Variants in CACNA1C observed in about 807,000 individuals in gnomAD.
CACNA1C encodes voltage-dependent L-type calcium channel subunit alpha-1C.
A neutral mutation model predicts 229.0 loss-of-function variants in CACNA1C; 30 were observed. The observed-to-expected ratio is 0.13, with a 90% CI of 0.10 to 0.18. The LOEUF is 0.18. CACNA1C is among the 10% of genes least tolerant of loss of function. The probability of loss-of-function intolerance (pLI) is 1.00; values close to 1 mark genes in which losing one functional copy is unlikely to be tolerated. For missense variants in CACNA1C, 1,658 were observed against 2,845.0 expected, an observed-to-expected ratio of 0.58 and a Z score of 9.49; for synonymous variants, 1,114 against 1,132.5, an observed-to-expected ratio of 0.98 and a Z score of 0.33.
At chr12:2,255,737 T>C (rs2077238306) in intron 3 of CACNA1C, among the ~76,000 whole-genome samples, 1 of 151,392 alleles carries the variant, frequency 6.6e-6, no homozygotes, top group South Asian at 2.1e-4. Flanking sequence ...AGCTTTATTG[T>C]GAGTTAAGCA....
At chr12:2,307,586 T>G (rs746998927) in intron 3 of CACNA1C, among the ~76,000 whole-genome samples, 1 of 152,230 alleles carries the variant, frequency 6.6e-6, no homozygotes, top group Non-Finnish European at 1.5e-5. Context: ...CAGGGCACTT[T>G]GTAAAAATTA....
rs549633485 is a variant in CACNA1C at position 2,271,642 on chromosome 12, G to T, written c.477+151212G>T. Among the ~76,000 whole-genome samples, 9 of 152,258 alleles carry T rather than the reference G, an allele frequency of 5.9e-5. No individual in the cohort carries two copies. The East Asian group carries it at 1.5e-3, about 26-fold the overall frequency. ...AGGCCAGGCATGGTGGCTCACTCTT[G>T]TAATGCCAGCATTTAGGGAGGCCGA... On this transcript the variant is annotated intron_variant, in intron 3 of 46. Coordinates refer to ENST00000399655, the MANE Select transcript of CACNA1C (RefSeq NM_000719.7).
intron 5 of CACNA1C, among the ~76,000 whole-genome samples, chr12:2,481,816 G>T (rs767206693): frequency 6.6e-6 from 1 of 152,220 alleles, no homozygotes; most frequent in African/African-American, 2.4e-5. Context: ...CATCACATGC[G>T]TGGGCCAATA....
intron 3 of CACNA1C, among the ~76,000 whole-genome samples, chr12:2,158,274 C>T (rs188684086): frequency 6.6e-6 from 1 of 152,232 alleles, no homozygotes; most frequent in Non-Finnish European, 1.5e-5. Flanking sequence ...AAAGTAGGGA[C>T]AATTGGATCT....
At chr12:2,122,816 G>A (rs1009776343) in intron 3 of CACNA1C, among the ~76,000 whole-genome samples, 25 of 152,154 alleles carry the variant, frequency 1.6e-4, no homozygotes, top group Admixed American at 1.4e-3. Flanking sequence ...CATATTTCCC[G>A]CATTGGAGAG....
rs1235914686 is a variant in CACNA1C at position 2,145,621 on chromosome 12, G to T, written c.477+25191G>T. On this transcript the variant is annotated intron_variant, in intron 3 of 46. Coordinates refer to ENST00000399655, the MANE Select transcript of CACNA1C (RefSeq NM_000719.7). ...GTGCCTACTGTGTACCAGGCACTGG[G>T]CAAGGGGCATTCTGTGAGAGAGGGT... Among the ~76,000 whole-genome samples, 2 of 151,264 alleles carry T rather than the reference G, an allele frequency of 1.3e-5. 1 individual carries two copies. Among genetic ancestry groups the T allele is most frequent in the Non-Finnish European group, 3.0e-5 (2 of 67,668 alleles).
At chr12:2,568,466 A>G (rs1227312100) in intron 13 of CACNA1C, among the ~76,000 whole-genome samples, 3 of 152,226 alleles carry the variant, frequency 2.0e-5, no homozygotes, top group Non-Finnish European at 2.9e-5. Flanking sequence ...ACTTCTGGGT[A>G]TATGCCCAAA....
chr12:2,239,058 G>C (rs2068666986), intron 3 of CACNA1C, among the ~76,000 whole-genome samples: 1 of 152,216 alleles, frequency 6.6e-6, no homozygotes, highest in African/African-American at 2.4e-5. Flanking sequence ...CGTCATGCCT[G>C]TCACATGGTA....
intron 3 of CACNA1C, among the ~76,000 whole-genome samples, chr12:2,135,877 C>T (rs368483644): frequency 0.022 from 3,127 of 139,272 alleles, 107 homozygotes; most frequent in East Asian, 0.051. Flanking sequence ...TAATCAAGCC[C>T]GGGCAATGGC....
At chr12:2,472,138 A>G (rs2099596794) in intron 5 of CACNA1C, among the ~76,000 whole-genome samples, 1 of 152,170 alleles carries the variant, frequency 6.6e-6, no homozygotes, top group Non-Finnish European at 1.5e-5. Flanking sequence ...TCTCAGATAC[A>G]CTCATAAATG....
intron 1 of CACNA1C, among the ~76,000 whole-genome samples, chr12:2,112,789 A>G (rs1263115815): frequency 2.0e-5 from 3 of 152,144 alleles, no homozygotes; most frequent in African/African-American, 4.8e-5. Context: ...ACACTAATCT[A>G]TCATCCTCAG....
chr12:2,004,332 C>G (rs1307668338), intron 1 of CACNA1C: 2 of 1,613,426 alleles, frequency 1.2e-6, no homozygotes, highest in Admixed American at 3.3e-5. Context: ...TGGCTGGCCA[C>G]GTCCACGATG....
intron 3 of CACNA1C, among the ~76,000 whole-genome samples, chr12:2,375,960 C>T (rs1305462069): frequency 6.6e-6 from 1 of 152,170 alleles, no homozygotes; most frequent in African/African-American, 2.4e-5. Context: ...ACTAAACCAA[C>T]CTAGAAACAG....
intron 34 of CACNA1C, among the ~76,000 whole-genome samples, chr12:2,657,315 C>T (rs2095474470): frequency 6.6e-6 from 1 of 152,068 alleles, no homozygotes; most frequent in African/African-American, 2.4e-5. Context: ...GTTATCTCTA[C>T]AAGGTAGGAA....
At chr12:2,071,029 C>T (rs1411185957) in intron 1 of CACNA1C, among the ~76,000 whole-genome samples, 2 of 121,500 alleles carry the variant, frequency 1.6e-5, no homozygotes, top group East Asian at 5.6e-4. Context: ...CTTCCTTCCT[C>T]CTTCCTTCCC....
chr12:2,560,332 C>T (rs1393261649), intron 11 of CACNA1C, among the ~76,000 whole-genome samples: 2 of 152,196 alleles, frequency 1.3e-5, no homozygotes, highest in African/African-American at 4.8e-5. Context: ...GAGTCTCAAA[C>T]TGGCCTTTTC....
chr12:2,557,120 G>A lies in CACNA1C; in HGVS notation c.1508+143G>A, dbSNP rs1448131303. ...TAAGGGGGTAACTACTTTCTGTATGGCCATCAAGAAAAAGCTTATGGCTCA... is the reference window on the plus strand; with the variant it reads ...TAAGGGGGTAACTACTTTCTGTATGACCATCAAGAAAAAGCTTATGGCTCA... On this transcript the variant is annotated intron_variant, in intron 11 of 46. Transcript: ENST00000399655. The A allele has an allele frequency of 3.4e-5, 22 of 656,190 alleles. No individual in the cohort carries two copies. In the Admixed American group the frequency reaches 5.0e-4, roughly 15 times the overall value. The allele number at this position is 656,190 out of a possible 1,614,324, so 40.6% of individuals were successfully genotyped here.
intron 3 of CACNA1C, among the ~76,000 whole-genome samples, chr12:2,324,872 C>T (rs568674897): frequency 6.6e-6 from 1 of 152,224 alleles, no homozygotes; most frequent in South Asian, 2.1e-4. Flanking sequence ...CATGGAGTAC[C>T]TACTACGTGC....
At chr12:2,206,338 G>A (rs1255007760) in intron 3 of CACNA1C, among the ~76,000 whole-genome samples, 1 of 152,216 alleles carries the variant, frequency 6.6e-6, no homozygotes, top group African/African-American at 2.4e-5. Flanking sequence ...TCTGAGGGTT[G>A]GGAGAATGGC....
Sources: allele counts gnomAD v4.1 joint callset (sites outside exome capture counted in the v4.1 genomes callset), GRCh38; gene constraint gnomAD v4.1.1; transcripts MANE v1.5; gene names NCBI Gene and HGNC (gene_info 2026-07-23, HGNC 2026-07-21).